Variants in STAU1 observed in about 807,000 individuals in gnomAD.
STAU1 encodes staufen double-stranded RNA binding protein 1, also known as double-stranded RNA-binding protein Staufen homolog 1.
Under a neutral mutation model 62.9 loss-of-function variants are expected in STAU1, and 13 were observed. The ratio of observed to expected loss-of-function variants is 0.21; its 90% CI spans 0.13 to 0.33. STAU1 has a LOEUF of 0.33. Among genes scored for constraint, STAU1 ranks in the 10% least tolerant of loss-of-function variants. The pLI is 1.00. For missense variants in STAU1, 571 were observed against 712.1 expected (o/e 0.80, Z 2.25); for synonymous variants, 269 against 265.1 (o/e 1.01, Z -0.14).
intron 3 of STAU1, among the ~76,000 whole-genome samples, chr20:49,159,459 T>C (rs920069127): frequency 6.6e-6 from 1 of 152,146 alleles, no homozygotes; most frequent in Non-Finnish European, 1.5e-5. Flanking sequence ...AGCCAAAATA[T>C]AATAAAAAGT....
At chr20:49,195,364 C>T in the STAU1 span, among the ~76,000 whole-genome samples, 2 of 150,992 alleles carry the variant, frequency 1.3e-5, no homozygotes, top group African/African-American at 2.4e-5. Context: ...GGTGAAACCC[C>T]GTCTCCACTA....
intron 3 of STAU1, chr20:49,158,602 G>T (rs1334438229): frequency 1.1e-6 from 1 of 941,672 alleles, no homozygotes; most frequent in African/African-American, 1.7e-5. Context: ...TTGAGGTCAG[G>T]AGTTCGAGAC....
chr20:49,181,763 CAACAAAAAAAAAAAAAAAA>C (rs1262932125), intron 1 of STAU1, among the ~76,000 whole-genome samples: 2 of 66,702 alleles, frequency 3.0e-5, no homozygotes, highest in Non-Finnish European at 5.6e-5. Context: ...AAGACTATCT[CAACAAAAAAAAAAAAAAAA>C]AAAAAAAAAA....
Position 49,181,763 on chromosome 20 carries a change from C to CAAAAAAAA in STAU1, c.-160+6352_-160+6353insTTTTTTTT, listed in dbSNP as rs1309573018. 1.9e-4 allele frequency among the ~76,000 whole-genome samples: 13 copies of CAAAAAAAA among 66,708 alleles called. 4 individuals are homozygous for CAAAAAAAA. Among genetic ancestry groups the CAAAAAAAA allele is most frequent in the Non-Finnish European group, 3.1e-4 (11 of 35,816 alleles). 43.8% of individuals were successfully genotyped at this position (66,708 alleles called of 152,430 possible). A position where few individuals can be genotyped will look rare whatever the true frequency, so the allele number is the denominator to read the frequency against. Reference sequence around the variant, plus strand: ...CCTGGGCAACAGAGCAAGACTATCTCAACAAAAAAAAAAAAAAAAAAAAAA... The same window carrying CAAAAAAAA: ...CCTGGGCAACAGAGCAAGACTATCTCAAAAAAAAAACAAAAAAAAAAAAAAAAAAAAAA... On this transcript the variant is annotated intron_variant, in intron 1 of 13. Transcript: ENST00000371856.
At chr20:49,201,044 C>CAAAAAAAAAAAAAAAAAAA in the STAU1 span, among the ~76,000 whole-genome samples, 6 of 31,508 alleles carry the variant, frequency 1.9e-4, no homozygotes, top group Non-Finnish European at 3.4e-4. Flanking sequence ...GACCCACTCT[C>CAAAAAAAAAAAAAAAAAAA]AAAAAAAAAA....
At position 49,113,725 on chromosome 20, in the gene STAU1, GA is replaced by G. The variant is rs1331065873; in HGVS notation, c.*1152del. ...ATCAAAAGCAACACAGCTGTATACA[GA>G]AACGTAGGTCATTCTTTTCAGCCCT... On this transcript the variant is annotated 3_prime_UTR_variant, in exon 14 of 14. Transcript: ENST00000371856. 1 of 152,604 alleles carries G rather than the reference GA, an allele frequency of 6.6e-6. No individual in the cohort carries two copies. Among genetic ancestry groups the G allele is most frequent in the Non-Finnish European group, 1.5e-5 (1 of 68,050 alleles). The allele number at this position is 152,604 out of a possible 1,614,324, so 9.5% of individuals were successfully genotyped here. A position where few individuals can be genotyped will look rare whatever the true frequency, so the allele number is the denominator to read the frequency against.
At chr20:49,170,158 C>T (rs1376499330) in intron 2 of STAU1, among the ~76,000 whole-genome samples, 1 of 152,146 alleles carries the variant, frequency 6.6e-6, no homozygotes, top group African/African-American at 2.4e-5. Flanking sequence ...CCTACCAAGA[C>T]TAGACCATAC....
chr20:49,169,320 A>G (rs2093567932), intron 2 of STAU1, among the ~76,000 whole-genome samples: 1 of 152,200 alleles, frequency 6.6e-6, no homozygotes, highest in Admixed American at 6.5e-5. Context: ...CATCACAGTG[A>G]TGAATGGGGG....
At chr20:49,212,180 G>A in the STAU1 span, among the ~76,000 whole-genome samples, 32 of 141,268 alleles carry the variant, frequency 2.3e-4, no homozygotes, top group South Asian at 1.2e-3. Context: ...GTAGAGACAG[G>A]GTTTTGCCAT....
upstream of STAU1, among the ~76,000 whole-genome samples, chr20:49,190,686 G>T (rs1191182999): frequency 6.6e-6 from 1 of 152,032 alleles, no homozygotes; most frequent in Admixed American, 6.6e-5. Context: ...TCTCTTCCAA[G>T]GTCCTGAAGA....
chr20:49,156,024 C>A (rs942632096), intron 3 of STAU1, among the ~76,000 whole-genome samples: 1 of 152,168 alleles, frequency 6.6e-6, no homozygotes, highest in Non-Finnish European at 1.5e-5. Context: ...GATTAGTATG[C>A]TCCCTGAATG....
At chr20:49,147,177 ATACTT>A (rs2093147570) in intron 5 of STAU1, among the ~76,000 whole-genome samples, 8 of 152,166 alleles carry the variant, frequency 5.3e-5, no homozygotes, top group Admixed American at 3.3e-4. Flanking sequence ...CCTAAATGAG[ATACTT>A]TACGTTCTTC....
chr20:49,191,615 G>T (rs532934766), upstream of STAU1, among the ~76,000 whole-genome samples: 2 of 152,280 alleles, frequency 1.3e-5, no homozygotes, highest in South Asian at 2.1e-4. Flanking sequence ...GTGTATGTCA[G>T]GGTCACCTGT....
At chr20:49,152,098 A>G (rs1302411072) in intron 4 of STAU1, among the ~76,000 whole-genome samples, 1 of 152,206 alleles carries the variant, frequency 6.6e-6, no homozygotes, top group Non-Finnish European at 1.5e-5. Context: ...CCTTAGCTTT[A>G]AATTTGCATG....
Position 49,181,763 on chromosome 20 carries a change from C to CAAAAAAA in STAU1, c.-160+6352_-160+6353insTTTTTTT, listed in dbSNP as rs1309573018. On this transcript the variant is annotated intron_variant, in intron 1 of 13. Coordinates refer to ENST00000371856, the MANE Select transcript of STAU1 (RefSeq NM_017453.4). The stretch of plus-strand genomic sequence containing the variant: ...CCTGGGCAACAGAGCAAGACTATCT[C>CAAAAAAA]AACAAAAAAAAAAAAAAAAAAAAAA... Among the ~76,000 whole-genome samples the CAAAAAAA allele has an allele frequency of 4.5e-4, 30 of 66,706 alleles. 5 individuals are homozygous for CAAAAAAA. The highest frequency in any genetic ancestry group is 1.6e-3 in the East Asian group (3 of 1,908). 43.8% of individuals were successfully genotyped at this position (66,706 alleles called of 152,430 possible).
At position 49,125,198 on chromosome 20, in the gene STAU1, C is replaced by CAAAAAAA. The variant is rs1171534142; in HGVS notation, c.610-618_610-612dup. 4.3e-3 allele frequency among the ~76,000 whole-genome samples: 145 copies of CAAAAAAA among 33,734 alleles called. 17 individuals carry two copies. Among genetic ancestry groups the CAAAAAAA allele is most frequent in the Non-Finnish European group, 5.8e-3 (103 of 17,656 alleles). The allele number at this position is 33,734 out of a possible 152,430, so 22.1% of individuals were successfully genotyped here. Reference sequence around the variant, plus strand: ...ACACACATTTATAAGCTCATTTTTGCAAAAAAAAAAAAAAAAAAAAAAAAA... The same window carrying CAAAAAAA: ...ACACACATTTATAAGCTCATTTTTGCAAAAAAAAAAAAAAAAAAAAAAAAAAAAAAAA... On this transcript the variant is annotated intron_variant, in intron 6 of 13. Transcript: ENST00000371856.
At chr20:49,134,229 C>G (rs576580590) in intron 6 of STAU1, among the ~76,000 whole-genome samples, 1 of 151,804 alleles carries the variant, frequency 6.6e-6, no homozygotes, top group African/African-American at 2.4e-5. Flanking sequence ...GTTAGGAGTT[C>G]GAGACCAGCC....
intron 3 of STAU1, among the ~76,000 whole-genome samples, chr20:49,154,374 C>T (rs1284900809): frequency 6.6e-6 from 1 of 152,142 alleles, no homozygotes; most frequent in Non-Finnish European, 1.5e-5. Context: ...TTCCAAAACA[C>T]ATCAAATTTC....
In STAU1 at chr20:49,171,569, G is replaced by C. The variant is rs561948349; in HGVS notation, c.-85+2626C>G. On this transcript the variant is annotated intron_variant, in intron 2 of 13. Coordinates refer to ENST00000371856, the MANE Select transcript of STAU1 (RefSeq NM_017453.4). ...CCCGAAGTGCTGGGATTACAAGCGT[G>C]AGCCACCGCACCCAGCCTATACCAG... 1.4e-4 allele frequency among the ~76,000 whole-genome samples: 22 copies of C among 152,324 alleles called. No individual in the cohort carries two copies. The East Asian group carries it at 3.5e-3, about 24-fold the overall frequency.
Sources: gnomAD v4.1 joint callset for allele counts (sites outside exome capture counted in the v4.1 genomes callset) on GRCh38, gnomAD v4.1.1 for gene constraint, MANE v1.5 for transcripts, NCBI Gene and HGNC (gene_info 2026-07-23, HGNC 2026-07-21) for gene names.